Variants in SLC39A12 observed in about 807,000 individuals in gnomAD.
SLC39A12 encodes zinc transporter ZIP12.
SLC39A12 carries 63 observed loss-of-function variants against 71.1 expected under a neutral mutation model. The ratio of observed to expected loss-of-function variants is 0.89; its 90% confidence interval spans 0.72 to 1.09. The LOEUF is 1.09. Ranked by LOEUF, SLC39A12 falls within the 50% of genes least tolerant of loss-of-function variation. SLC39A12 has a pLI of 0.00. For synonymous variants in SLC39A12, 351 were observed against 301.3 expected, an observed-to-expected ratio of 1.16 and a Z score of -1.71; for missense variants, 892 against 812.6, an observed-to-expected ratio of 1.10 and a Z score of -1.19.
At chr10:18,041,296 G>C (rs902111002) in intron 12 of SLC39A12, among the ~76,000 whole-genome samples, 1 of 151,626 alleles carries the variant, frequency 6.6e-6, no homozygotes, top group Non-Finnish European at 1.5e-5. Flanking sequence ...ATAGCCACAG[G>C]ACAGCCTGGT....
intron 12 of SLC39A12, among the ~76,000 whole-genome samples, chr10:18,026,521 A>T (rs1001466915): frequency 6.6e-5 from 10 of 152,100 alleles, no homozygotes; most frequent in Non-Finnish European, 1.3e-4. Flanking sequence ...TTTTTAAAGC[A>T]TATCTCTTGC....
chr10:17,967,223 C>G (rs747489072), intron 4 of SLC39A12, among the ~76,000 whole-genome samples: 6 of 152,056 alleles, frequency 3.9e-5, no homozygotes, highest in Non-Finnish European at 7.4e-5. Flanking sequence ...TTTCTATGTA[C>G]TGTGTTTCTT....
At chr10:18,036,431 C>A (rs1363967247) in intron 12 of SLC39A12, among the ~76,000 whole-genome samples, 1 of 152,076 alleles carries the variant, frequency 6.6e-6, no homozygotes, top group Non-Finnish European at 1.5e-5. Flanking sequence ...TCCGTCACCC[C>A]TTTCTTTGAC....
chr10:18,024,144 T>A (rs999455672), intron 12 of SLC39A12, among the ~76,000 whole-genome samples: 3 of 152,082 alleles, frequency 2.0e-5, no homozygotes, highest in Admixed American at 1.3e-4. Context: ...CCCAGGCCAG[T>A]GGGCTTTGCC....
chr10:18,003,749 A>G (rs1430148820), intron 12 of SLC39A12, among the ~76,000 whole-genome samples: 3 of 152,230 alleles, frequency 2.0e-5, no homozygotes, highest in Non-Finnish European at 4.4e-5. Context: ...AGTTCTGTCA[A>G]TCAGCCAGCT....
chr10:18,036,487 A>G (rs1438136505), intron 12 of SLC39A12, among the ~76,000 whole-genome samples: 3 of 152,010 alleles, frequency 2.0e-5, no homozygotes, highest in East Asian at 2.0e-4. Flanking sequence ...AGATGAGGCA[A>G]TGCCTCGCCC....
At chr10:17,997,022 CAAAAA>C (rs71924913) in intron 10 of SLC39A12, among the ~76,000 whole-genome samples, 2 of 115,538 alleles carry the variant, frequency 1.7e-5, no homozygotes, top group South Asian at 3.0e-4. Context: ...GACTCCGTCT[CAAAAA>C]AAAAAAAAAA....
chr10:18,009,955 A>T (rs576558850), intron 12 of SLC39A12, among the ~76,000 whole-genome samples: 2 of 152,318 alleles, frequency 1.3e-5, no homozygotes, highest in African/African-American at 4.8e-5. Context: ...GGTAAAAGCA[A>T]AAAAACATTA....
intron 5 of SLC39A12, among the ~76,000 whole-genome samples, chr10:17,980,646 A>G (rs755138924): frequency 4.6e-5 from 7 of 152,174 alleles, no homozygotes. Flanking sequence ...AAATATGCCT[A>G]TACAGTATGA....
chr10:17,994,395 G>GT (rs1288669910), intron 9 of SLC39A12, among the ~76,000 whole-genome samples: 2 of 150,292 alleles, frequency 1.3e-5, no homozygotes, highest in Admixed American at 6.7e-5. Context: ...TTAATTTCTT[G>GT]TTTTTTCAAG....
chr10:17,953,780 C>T (rs139863343), intron 2 of SLC39A12, among the ~76,000 whole-genome samples: 43 of 152,322 alleles, frequency 2.8e-4, no homozygotes, highest in African/African-American at 1.0e-3. Context: ...TAGAACCCTT[C>T]TGCATATTTA....
intron 12 of SLC39A12, among the ~76,000 whole-genome samples, chr10:18,016,922 C>G (rs556640540): frequency 1.3e-5 from 2 of 152,036 alleles, no homozygotes; most frequent in African/African-American, 2.4e-5. Context: ...AGTTCCTTGT[C>G]TATTTTGGAT....
chr10:18,040,088 A>G (rs1199158275), intron 12 of SLC39A12, among the ~76,000 whole-genome samples: 4 of 152,232 alleles, frequency 2.6e-5, no homozygotes, highest in Non-Finnish European at 1.5e-5. Context: ...CATATACGTA[A>G]TATATAAAAC....
At chr10:18,003,897 A>G (rs1232129690) in intron 12 of SLC39A12, among the ~76,000 whole-genome samples, 2 of 152,232 alleles carry the variant, frequency 1.3e-5, no homozygotes, top group Admixed American at 1.3e-4. Flanking sequence ...TTAAATAATG[A>G]TTACGTCTTT....
chr10:17,986,881 C>T (rs142412431), intron 6 of SLC39A12, among the ~76,000 whole-genome samples: 21 of 152,160 alleles, frequency 1.4e-4, no homozygotes, highest in Admixed American at 4.6e-4. Flanking sequence ...GGCACCTGCC[C>T]GTAGTCCCAG....
intron 6 of SLC39A12, among the ~76,000 whole-genome samples, chr10:17,982,877 A>G (rs1044217219): frequency 1.3e-5 from 2 of 152,130 alleles, no homozygotes; most frequent in Non-Finnish European, 2.9e-5. Context: ...AAACCTCCCA[A>G]CATGTCACAC....
At chr10:18,036,771 TA>T (rs1564665891) in intron 12 of SLC39A12, among the ~76,000 whole-genome samples, 1,569 of 46,994 alleles carry the variant, frequency 0.033, 112 homozygotes, top group Non-Finnish European at 0.038. Flanking sequence ...TATATATATA[TA>T]TATATATATA....
intron 4 of SLC39A12, among the ~76,000 whole-genome samples, chr10:17,968,246 G>T (rs114337932): frequency 1.3e-5 from 2 of 151,508 alleles, no homozygotes; most frequent in Non-Finnish European, 2.9e-5. Flanking sequence ...ATCTAATTGC[G>T]TTGGTTAATA....
chr10:18,042,802 T>A lies in SLC39A12; in HGVS notation c.2045T>A (p.Leu682Ter). ...LILGWLSLLL[L>*]AIYEQNIKI ...CTAGGTTGGCTTTCTCTCCTGCTCT[T>A]GGCTATATATGAGCAAAATATTAAA... Residue 682 changes from leucine (L) to a stop codon, truncating the protein, a stop_gained, in exon 13 of 13, where the codon TTG becomes TAG. Transcript: ENST00000377369. LOFTEE classifies it high-confidence loss of function. 1 of 1,611,260 alleles carries A rather than the reference T, an allele frequency of 6.2e-7. No homozygotes were observed. The highest frequency in any genetic ancestry group is 8.5e-7 in the Non-Finnish European group (1 of 1,179,114).
Sources: gnomAD v4.1 joint callset for allele counts (sites outside exome capture counted in the v4.1 genomes callset) on GRCh38, gnomAD v4.1.1 for gene constraint, MANE v1.5 for transcripts, NCBI Gene and HGNC (gene_info 2026-07-23, HGNC 2026-07-21) for gene names.